The following CAPZA2 variants were observed in gnomAD, a reference collection of about 807,000 sequenced individuals.
CAPZA2 encodes the protein F-actin-capping protein subunit alpha-2.
CAPZA2 carries 13 observed loss-of-function variants against 44.0 expected under a neutral mutation model. The ratio of observed to expected loss-of-function variants is 0.30; its 90% CI spans 0.19 to 0.47. The LOEUF is 0.47. Ranked by LOEUF, CAPZA2 falls within the 20% of genes least tolerant of loss-of-function variation. The probability of loss-of-function intolerance (pLI) is 1.00; values close to 1 mark genes in which losing one functional copy is unlikely to be tolerated. For synonymous variants in CAPZA2, 94 were observed against 108.2 expected, an observed-to-expected ratio of 0.87 and a Z score of 0.81; for missense variants, 244 against 338.6, an observed-to-expected ratio of 0.72 and a Z score of 2.19.
At chr7:116,917,069 G>T (rs532307897) in intron 9 of CAPZA2, among the ~76,000 whole-genome samples, 1 of 152,064 alleles carries the variant, frequency 6.6e-6, no homozygotes, top group African/African-American at 2.4e-5. Context: ...CTCTTGAATT[G>T]AACCATTTAA....
At chr7:116,907,541 T>C (rs1791534175) in intron 6 of CAPZA2, among the ~76,000 whole-genome samples, 1 of 152,242 alleles carries the variant, frequency 6.6e-6, no homozygotes, top group Non-Finnish European at 1.5e-5. Flanking sequence ...TACGTTCTTC[T>C]TTATAATACA....
rs1791734700 is a variant in CAPZA2, at chr7:116,919,537, G to T, written c.*1670G>T. 1 of 151,548 alleles carries T rather than the reference G, an allele frequency of 6.6e-6. No homozygotes were observed. 9.4% of individuals were successfully genotyped at this position (151,548 alleles called of 1,614,324 possible). On this transcript the variant is annotated 3_prime_UTR_variant, in exon 10 of 10. Coordinates refer to ENST00000361183, the MANE Select transcript of CAPZA2 (RefSeq NM_006136.3). ...GAAAATGTATGCAACTGTTTTTAAG[G>T]TGATTTGCTTGTGAGACGGAAGATT...
intron 1 of CAPZA2, among the ~76,000 whole-genome samples, chr7:116,869,263 C>A (rs535918397): frequency 6.6e-6 from 1 of 152,162 alleles, no homozygotes; most frequent in South Asian, 2.1e-4. Context: ...CATGAAAATA[C>A]CCATGGCTGT....
intron 8 of CAPZA2, among the ~76,000 whole-genome samples, chr7:116,912,506 C>G (rs1291844050): frequency 6.6e-6 from 1 of 152,194 alleles, no homozygotes; most frequent in African/African-American, 2.4e-5. Context: ...AGAACCCTCC[C>G]AGCCCTAGGC....
intron 9 of CAPZA2, 27 bp downstream of exon 9, chr7:116,916,149 C>T: frequency 6.7e-7 from 1 of 1,500,200 alleles, no homozygotes; most frequent in Non-Finnish European, 8.9e-7. Context: ...ATTATATAAG[C>T]TACACTCACA....
intron 1 of CAPZA2, among the ~76,000 whole-genome samples, chr7:116,876,750 A>G (rs528548535): frequency 7.2e-5 from 11 of 152,210 alleles, no homozygotes; most frequent in African/African-American, 1.9e-4. Flanking sequence ...GGTTGACAGA[A>G]CATACAAAAC....
intron 8 of CAPZA2, 116 bp downstream of exon 8, chr7:116,912,256 AT>A: frequency 6.8e-7 from 1 of 1,463,902 alleles, no homozygotes; most frequent in Non-Finnish European, 9.1e-7. Context: ...TTTCTGATAG[AT>A]TAAAGATAAG....
intron 3 of CAPZA2, among the ~76,000 whole-genome samples, chr7:116,893,958 G>A (rs549715799): frequency 1.3e-5 from 2 of 152,184 alleles, no homozygotes; most frequent in African/African-American, 4.8e-5. Flanking sequence ...TAGGCTTACC[G>A]ATTCTACTAC....
chr7:116,917,945 C>T lies in CAPZA2; in HGVS notation c.*78C>T. On this transcript the variant is annotated 3_prime_UTR_variant, in exon 10 of 10. Coordinates refer to ENST00000361183, the MANE Select transcript of CAPZA2 (RefSeq NM_006136.3). ...TGCAAAAGTATTCTGAACTGTCAAG[C>T]TGCCCAGTCAGATGGGCTGTTGCCA... 8.1e-7 allele frequency: 1 copy of T among 1,232,846 alleles called. No individual in the cohort carries two copies. The highest frequency in any genetic ancestry group is 1.2e-6 in the Non-Finnish European group (1 of 847,042). The allele number at this position is 1,232,846 out of a possible 1,614,324, so 76.4% of individuals were successfully genotyped here.
chr7:116,902,455 A>G (rs1419377921), intron 4 of CAPZA2, among the ~76,000 whole-genome samples: 4 of 152,208 alleles, frequency 2.6e-5, no homozygotes, highest in Admixed American at 2.0e-4. Flanking sequence ...GTGAAAAGCC[A>G]TACTTAGTTT....
intron 1 of CAPZA2, among the ~76,000 whole-genome samples, chr7:116,866,329 G>A (rs1317270567): frequency 6.6e-6 from 1 of 152,046 alleles, no homozygotes; most frequent in African/African-American, 2.4e-5. Context: ...CTGCCACCGC[G>A]CCCGGCTAAT....
chr7:116,871,836 C>T (rs960849613), intron 1 of CAPZA2, among the ~76,000 whole-genome samples: 3 of 152,234 alleles, frequency 2.0e-5, no homozygotes, highest in African/African-American at 7.2e-5. Context: ...TATGTCTTCA[C>T]CATCTTTGTA....
At chr7:116,864,751 C>G (rs981711397) in intron 1 of CAPZA2, among the ~76,000 whole-genome samples, 2 of 152,020 alleles carry the variant, frequency 1.3e-5, no homozygotes, top group Non-Finnish European at 2.9e-5. Flanking sequence ...CAAAAATAAG[C>G]TCTTAAGCTG....
chr7:116,899,553 A>G (rs1039527875), intron 4 of CAPZA2, among the ~76,000 whole-genome samples: 1 of 151,758 alleles, frequency 6.6e-6, no homozygotes, highest in Non-Finnish European at 1.5e-5. Context: ...CTTGTAACTG[A>G]AGGGAAATTT....
At chr7:116,891,752 C>T (rs1796849398) in intron 2 of CAPZA2, among the ~76,000 whole-genome samples, 1 of 152,022 alleles carries the variant, frequency 6.6e-6, no homozygotes, top group African/African-American at 2.4e-5. Context: ...ACCTCGTGAT[C>T]CACCCTCTTC....
chr7:116,910,430 G>A (rs771248422), intron 7 of CAPZA2, 119 bp downstream of exon 7: 6 of 615,588 alleles, frequency 9.7e-6, no homozygotes, highest in Non-Finnish European at 1.4e-5. Context: ...CTTTGTTTTG[G>A]GGTAATGGGA....
chr7:116,868,003 C>T (rs1409493511), intron 1 of CAPZA2, among the ~76,000 whole-genome samples: 1 of 152,162 alleles, frequency 6.6e-6, no homozygotes. Flanking sequence ...TCTAAATGGG[C>T]TTGGCATGTA....
rs1175111886 is a variant in CAPZA2 at position 116,874,587 on chromosome 7, CAGA to C, written c.39+11940_39+11942del. ...ATAGCAAGCAATATCCAAGCATCAG[CAGA>C]AGGTGTTTTTCACTGCAGTCAGAGA... is the stretch of plus-strand genomic sequence containing the variant. On this transcript the variant is annotated intron_variant, in intron 1 of 9. Transcript: ENST00000361183. The C allele has an allele frequency of 2.0e-5, 3 of 152,364 alleles. No individual in the cohort carries two copies. In the East Asian group the frequency reaches 5.8e-4, roughly 29 times the overall value. 9.4% of individuals were successfully genotyped at this position (152,364 alleles called of 1,614,324 possible).
intron 1 of CAPZA2, among the ~76,000 whole-genome samples, chr7:116,864,132 A>G (rs562349838): frequency 4.6e-5 from 7 of 152,312 alleles, no homozygotes; most frequent in African/African-American, 1.7e-4. Context: ...CTGAAAGTGT[A>G]CAGGAGTGCA....
Sources: gnomAD v4.1 joint callset for allele counts (sites outside exome capture counted in the v4.1 genomes callset) on GRCh38, gnomAD v4.1.1 for gene constraint, MANE v1.5 for transcripts, NCBI Gene and HGNC (gene_info 2026-07-23, HGNC 2026-07-21) for gene names.